The following CIB4 variants were observed in gnomAD, a reference collection of about 807,000 sequenced individuals.
CIB4 encodes the protein calcium and integrin binding family member 4, also known as calcium and integrin-binding family member 4.
A neutral mutation model predicts 25.8 loss-of-function variants in CIB4; 25 were observed. That is an observed-to-expected ratio of 0.97 (90% CI 0.71 to 1.35). The LOEUF (loss-of-function observed/expected upper bound fraction) is 1.35, where lower values mean the gene tolerates loss of function less well. Ranked by LOEUF, CIB4 falls within the 40% of genes most tolerant of loss-of-function variation. The probability of loss-of-function intolerance (pLI) is 0.00; values close to 1 mark genes in which losing one functional copy is unlikely to be tolerated. For synonymous variants in CIB4, 75 were observed against 81.4 expected (o/e 0.92, Z 0.42); for missense variants, 235 against 228.2 (o/e 1.03, Z -0.19).
intron 3 of CIB4, among the ~76,000 whole-genome samples, chr2:26,611,493 T>G (rs1293956027): frequency 6.6e-6 from 1 of 152,206 alleles, no homozygotes; most frequent in African/African-American, 2.4e-5. Context: ...TCTTATTTTG[T>G]GCAGTTTCCC....
chr2:26,605,130 A>G (rs1668863392), intron 3 of CIB4, among the ~76,000 whole-genome samples: 1 of 152,258 alleles, frequency 6.6e-6, no homozygotes, highest in Non-Finnish European at 1.5e-5. Flanking sequence ...AAGATTCTTG[A>G]AAACCCTCAA....
chr2:26,588,122 G>A (rs1221041740), intron 4 of CIB4, among the ~76,000 whole-genome samples: 1 of 152,246 alleles, frequency 6.6e-6, no homozygotes, highest in African/African-American at 2.4e-5. Flanking sequence ...GAAGGGACCA[G>A]CCCCAGGGCC....
At chr2:26,590,744 C>T (rs1244419891) in intron 4 of CIB4, among the ~76,000 whole-genome samples, 1 of 152,176 alleles carries the variant, frequency 6.6e-6, no homozygotes, top group Non-Finnish European at 1.5e-5. Context: ...TCTGATGAAG[C>T]CTGGGCATTT....
In CIB4 at chr2:26,583,845, G is replaced by T. The variant is rs555892906; in HGVS notation, c.382C>A (p.Arg128=). 3 of 1,613,288 alleles carry T rather than the reference G, an allele frequency of 1.9e-6. No individual in the cohort carries two copies. Among genetic ancestry groups the T allele is most frequent in the Non-Finnish European group, 2.5e-6 (3 of 1,179,570 alleles). Residue 128 remains arginine (R), a synonymous_variant, in exon 5 of 7, where the codon CGA becomes AGA. Transcript: ENST00000288861. The stretch of plus-strand genomic sequence containing the variant: ...GACATGTCATCACTGTTCAGCAGTC[G>T]CAGGATGATCCTCTGCAGATCCTCC... ...DEEDLQRIIL[R]LLNSDDMSED...
At chr2:26,605,452 C>T (rs1430538976) in intron 3 of CIB4, 4 of 468,946 alleles carry the variant, frequency 8.5e-6, no homozygotes, top group Admixed American at 2.4e-5. Context: ...GAGCTTATCA[C>T]CACCCACGGT....
intron 3 of CIB4, among the ~76,000 whole-genome samples, chr2:26,609,944 G>A (rs1668965745): frequency 6.6e-6 from 1 of 152,206 alleles, no homozygotes; most frequent in South Asian, 2.1e-4. Context: ...ACAGGATGAA[G>A]TCACCCACTC....
intron 3 of CIB4, among the ~76,000 whole-genome samples, chr2:26,619,164 C>A (rs753609981): frequency 8.5e-5 from 13 of 152,216 alleles, no homozygotes; most frequent in Non-Finnish European, 1.6e-4. Flanking sequence ...ACAAAAACTT[C>A]TCTTATCCAT....
Position 26,583,792 on chromosome 2 carries a change from G to A in CIB4, c.435C>T (p.Asn145=), listed in dbSNP as rs1179163364. 3 of 1,601,708 alleles carry A rather than the reference G, an allele frequency of 1.9e-6. No individual in the cohort carries two copies. Among genetic ancestry groups the A allele is most frequent in the Non-Finnish European group, 2.6e-6 (3 of 1,169,908 alleles). Residue 145 remains asparagine (N), a synonymous_variant, in exon 5 of 7, where the codon AAC becomes AAT. Transcript: ENST00000288861. Reference sequence around the variant, plus strand: ...ACTCCCAGCCCCCAGCACACACGTGGTTCGTGAGGTCCATCAGGAGGTCCT... The same window carrying A: ...ACTCCCAGCCCCCAGCACACACGTGATTCGTGAGGTCCATCAGGAGGTCCT... ...MSEDLLMDLT[N]HVLSESDLDN...
At chr2:26,618,986 C>A (rs1342029357) in intron 3 of CIB4, among the ~76,000 whole-genome samples, 2 of 152,174 alleles carry the variant, frequency 1.3e-5, no homozygotes, top group Non-Finnish European at 2.9e-5. Flanking sequence ...CGCTGTGAAG[C>A]CCCTGGCTGG....
chr2:26,599,535 C>T (rs952576770), intron 3 of CIB4, among the ~76,000 whole-genome samples: 3 of 152,078 alleles, frequency 2.0e-5, no homozygotes, highest in Non-Finnish European at 4.4e-5. Context: ...AAGCTTTTTA[C>T]AGTTGCTGGA....
chr2:26,635,335 G>C (rs1417534360), intron 2 of CIB4, among the ~76,000 whole-genome samples: 1 of 152,224 alleles, frequency 6.6e-6, no homozygotes, highest in East Asian at 1.9e-4. Context: ...GTCATCTGCA[G>C]ATCTGGTGAC....
intron 3 of CIB4, among the ~76,000 whole-genome samples, chr2:26,605,212 T>C (rs997228377): frequency 1.3e-5 from 2 of 152,130 alleles, no homozygotes; most frequent in East Asian, 1.9e-4. Flanking sequence ...ATATGAAAAT[T>C]TGTGGTATTC....
At chr2:26,595,951 A>G (rs1668675296) in intron 3 of CIB4, among the ~76,000 whole-genome samples, 1 of 152,202 alleles carries the variant, frequency 6.6e-6, no homozygotes, top group Admixed American at 6.5e-5. Context: ...ATAGAGACTG[A>G]AAACAGGACA....
chr2:26,594,290 A>G (rs1421819936), intron 4 of CIB4, among the ~76,000 whole-genome samples: 2 of 152,170 alleles, frequency 1.3e-5, no homozygotes, highest in African/African-American at 2.4e-5. Context: ...TGCTTACCAA[A>G]TGCTGAACCT....
intron 4 of CIB4, among the ~76,000 whole-genome samples, chr2:26,590,522 C>A (rs1668569158): frequency 6.6e-6 from 1 of 152,100 alleles, no homozygotes; most frequent in African/African-American, 2.4e-5. Context: ...TGGACGGAAT[C>A]ATCACCATGA....
chr2:26,637,606 G>A (rs1669558401), intron 2 of CIB4, among the ~76,000 whole-genome samples: 1 of 152,058 alleles, frequency 6.6e-6, no homozygotes, highest in Non-Finnish European at 1.5e-5. Flanking sequence ...CTCTCTAAGG[G>A]CAGTCTTCCA....
At chr2:26,602,901 T>C (rs1360076436) in intron 3 of CIB4, among the ~76,000 whole-genome samples, 1 of 151,868 alleles carries the variant, frequency 6.6e-6, no homozygotes, top group African/African-American at 2.4e-5. Context: ...CTCTAAAAAA[T>C]TAAAATAAGC....
At chr2:26,628,620 GGA>G (rs1339335009) in intron 3 of CIB4, among the ~76,000 whole-genome samples, 1 of 152,240 alleles carries the variant, frequency 6.6e-6, no homozygotes, top group Non-Finnish European at 1.5e-5. Context: ...GGCGAGTTGA[GGA>G]GAGAGAGGAT....
chr2:26,619,858 T>C (rs1474601467), intron 3 of CIB4, among the ~76,000 whole-genome samples: 17 of 111,216 alleles, frequency 1.5e-4, no homozygotes, highest in South Asian at 6.0e-4. Flanking sequence ...ACAGACTCTG[T>C]GACTGAGGAA....
Sources: allele counts gnomAD v4.1 joint callset (sites outside exome capture counted in the v4.1 genomes callset), GRCh38; gene constraint gnomAD v4.1.1; transcripts MANE v1.5; gene names NCBI Gene and HGNC (gene_info 2026-07-23, HGNC 2026-07-21).